LINGO2: variants seen among roughly 807,000 people sequenced by gnomAD.
LINGO2 encodes leucine rich repeat and Ig domain containing 2.
A neutral mutation model predicts 30.6 loss-of-function variants in LINGO2; 14 were observed. That is an observed-to-expected ratio of 0.46 (90% CI 0.30 to 0.72). LINGO2 has a LOEUF of 0.72. LINGO2 is among the 30% of genes least tolerant of loss of function. The pLI is 0.07. For missense variants in LINGO2, 729 were observed against 751.7 expected, an observed-to-expected ratio of 0.97 and a Z score of 0.35; for synonymous variants, 317 against 288.5, an observed-to-expected ratio of 1.10 and a Z score of -1.00.
At chr9:29,003,918 C>A in the LINGO2 span, among the ~76,000 whole-genome samples, 2 of 152,024 alleles carry the variant, frequency 1.3e-5, no homozygotes, top group Non-Finnish European at 2.9e-5. Flanking sequence ...CTGGAACAAT[C>A]TCCCTGATAG....
In LINGO2 at chr9:28,261,870, T is replaced by G. The variant is rs577406342; in HGVS notation, c.-87+33338A>C. Among the ~76,000 whole-genome samples the G allele has an allele frequency of 7.9e-5, 12 of 152,100 alleles. No homozygotes were observed. The South Asian group carries it at 2.5e-3, about 31-fold the overall frequency. On this transcript the variant is annotated intron_variant, in intron 4 of 5. Transcript: ENST00000379992. ...GTAAATGAATGGACAAACTTTGGACTTGGTGTTAAAAGGTCATAAATTAAT... is the reference window on the plus strand; with the variant it reads ...GTAAATGAATGGACAAACTTTGGACGTGGTGTTAAAAGGTCATAAATTAAT...
At chr9:28,263,284 T>C (rs1822630528) in intron 4 of LINGO2, among the ~76,000 whole-genome samples, 1 of 152,006 alleles carries the variant, frequency 6.6e-6, no homozygotes, top group Admixed American at 6.6e-5. Context: ...GGCCAAATGA[T>C]TTTAATTCAT....
At chr9:28,843,365 ATT>A in the LINGO2 span, among the ~76,000 whole-genome samples, 1 of 151,538 alleles carries the variant, frequency 6.6e-6, no homozygotes, top group Non-Finnish European at 1.5e-5. Context: ...CTACACACTT[ATT>A]AAAAATTATT....
At chr9:28,658,428 C>T (rs1828452378) in intron 1 of LINGO2, among the ~76,000 whole-genome samples, 1 of 151,954 alleles carries the variant, frequency 6.6e-6, no homozygotes, top group Non-Finnish European at 1.5e-5. Context: ...CTGATGTTTG[C>T]TGCATATATC....
chr9:28,995,699 G>A, the LINGO2 span, among the ~76,000 whole-genome samples: 2 of 152,154 alleles, frequency 1.3e-5, no homozygotes, highest in African/African-American at 4.8e-5. Context: ...CATAAAAAAT[G>A]ATGAGTTCAT....
intron 3 of LINGO2, among the ~76,000 whole-genome samples, chr9:28,368,743 C>T (rs954917158): frequency 2.0e-5 from 3 of 151,820 alleles, no homozygotes; most frequent in Admixed American, 1.3e-4. Context: ...ACTACAGGCG[C>T]CCGCCACCAC....
At position 28,589,991 on chromosome 9, in the gene LINGO2, G is replaced by A. The variant is rs545944302; in HGVS notation, c.-365+80209C>T. ...AATGGAACAGAACAGAGCCCTCAGA[G>A]ATAATGCTGCATATCTACAACCATC... On this transcript the variant is annotated intron_variant, in intron 1 of 5. Coordinates refer to ENST00000379992, the Ensembl canonical transcript of LINGO2. Among the ~76,000 whole-genome samples the A allele has an allele frequency of 1.7e-4, 26 of 152,114 alleles. No individual in the cohort carries two copies. The South Asian group carries it at 5.0e-3, about 29-fold the overall frequency.
intron 4 of LINGO2, among the ~76,000 whole-genome samples, chr9:28,157,649 GTTCT>G (rs1564007935): frequency 6.6e-6 from 1 of 152,030 alleles, no homozygotes; most frequent in African/African-American, 2.4e-5. Flanking sequence ...GAACTTTTAT[GTTCT>G]GCTATCCTTA....
intron 1 of LINGO2, among the ~76,000 whole-genome samples, chr9:28,514,556 C>A (rs2135377982): frequency 6.6e-6 from 1 of 152,238 alleles, no homozygotes; most frequent in African/African-American, 2.4e-5. Context: ...AAGCCAAAAC[C>A]TAATCTAGAG....
chr9:28,253,824 C>A (rs1199938829), intron 4 of LINGO2, among the ~76,000 whole-genome samples: 3 of 151,926 alleles, frequency 2.0e-5, no homozygotes, highest in African/African-American at 7.3e-5. Flanking sequence ...GTAAGCGGGT[C>A]CCCGGAAAAA....
chr9:27,959,121 G>A (rs1185053967), intron 5 of LINGO2, among the ~76,000 whole-genome samples: 5 of 151,992 alleles, frequency 3.3e-5, no homozygotes, highest in Admixed American at 6.6e-5. Flanking sequence ...AAAATCTAGA[G>A]GTTATCTGTT....
chr9:28,841,269 G>A, the LINGO2 span, among the ~76,000 whole-genome samples: 1 of 151,838 alleles, frequency 6.6e-6, no homozygotes, highest in South Asian at 2.1e-4. Flanking sequence ...ATCTACTCAT[G>A]GCTGGACATA....
chr9:29,027,059 CCAGTGTTATAAAT>C, the LINGO2 span, among the ~76,000 whole-genome samples: 5 of 152,088 alleles, frequency 3.3e-5, 1 homozygote, highest in Middle Eastern at 0.014. Flanking sequence ...CACATTTTAA[CCAGTGTTATAAAT>C]CAGTGATTAG....
At chr9:28,300,100 C>G (rs1217371954) in intron 3 of LINGO2, among the ~76,000 whole-genome samples, 1 of 145,014 alleles carries the variant, frequency 6.9e-6, no homozygotes, top group African/African-American at 2.6e-5. Flanking sequence ...CAACAGATGA[C>G]CTTTCTCTCT....
chr9:28,531,753 T>C (rs925203242), intron 1 of LINGO2, among the ~76,000 whole-genome samples: 1 of 152,038 alleles, frequency 6.6e-6, no homozygotes, highest in Admixed American at 6.6e-5. Context: ...TGCCATTTAC[T>C]AAAGGCCAGC....
chr9:28,152,533 C>G (rs1343545141), intron 4 of LINGO2, among the ~76,000 whole-genome samples: 3 of 151,938 alleles, frequency 2.0e-5, no homozygotes, highest in Admixed American at 2.0e-4. Flanking sequence ...AGGATAAGCC[C>G]AAGTGGAATG....
chr9:29,170,145 G>A, the LINGO2 span, among the ~76,000 whole-genome samples: 7 of 152,134 alleles, frequency 4.6e-5, no homozygotes, highest in Non-Finnish European at 8.8e-5. Flanking sequence ...AAAGACACCT[G>A]CATTCATAAG....
intron 2 of LINGO2, among the ~76,000 whole-genome samples, chr9:28,435,179 A>T (rs1587669962): frequency 6.6e-6 from 1 of 152,296 alleles, no homozygotes; most frequent in Non-Finnish European, 1.5e-5. Context: ...TATAGACCAG[A>T]TTCAAACAAC....
Position 28,055,521 on chromosome 9 carries a change from C to G in LINGO2, c.-86-43116G>C, listed in dbSNP as rs568309515. Among the ~76,000 whole-genome samples, 180 of 152,256 alleles carry G rather than the reference C, an allele frequency of 1.2e-3. 1 individual carries two copies. Among genetic ancestry groups the G allele is most frequent in the African/African-American group, 4.3e-3 (178 of 41,554 alleles). On this transcript the variant is annotated intron_variant, in intron 4 of 5. Transcript: ENST00000379992. ...ACTTTTAGGAAAATGTAAGGTACTTCTGTGGATTGGCTGTGACTTCCACTT... is the reference window on the plus strand; with the variant it reads ...ACTTTTAGGAAAATGTAAGGTACTTGTGTGGATTGGCTGTGACTTCCACTT...
Sources: allele counts gnomAD v4.1 joint callset (sites outside exome capture counted in the v4.1 genomes callset), GRCh38; gene constraint gnomAD v4.1.1; transcripts MANE v1.5; gene names NCBI Gene and HGNC (gene_info 2026-07-23, HGNC 2026-07-21).